Variants in STARD13 observed in about 807,000 individuals in gnomAD.
STARD13 encodes StAR related lipid transfer domain containing 13, also known as stAR-related lipid transfer protein 13.
Under a neutral mutation model 106.4 loss-of-function variants are expected in STARD13, and 62 were observed. That is an observed-to-expected ratio of 0.58 (90% CI 0.48 to 0.72). The LOEUF (loss-of-function observed/expected upper bound fraction) is 0.72. Among genes scored for constraint, STARD13 ranks in the 30% least tolerant of loss-of-function variants. The pLI, the probability that STARD13 is intolerant of heterozygous loss-of-function variation, is 0.00. For synonymous variants in STARD13, 565 were observed against 553.0 expected, an observed-to-expected ratio of 1.02 and a Z score of -0.31; for missense variants, 1,387 against 1,424.0, an observed-to-expected ratio of 0.97 and a Z score of 0.42.
chr13:33,311,324 TA>T (rs1893130344), intron 1 of STARD13, among the ~76,000 whole-genome samples: 1 of 151,846 alleles, frequency 6.6e-6, no homozygotes, highest in East Asian at 1.9e-4. Flanking sequence ...AATAAAAAGA[TA>T]AAAAGAGTGC....
intron 1 of STARD13, among the ~76,000 whole-genome samples, chr13:33,203,221 G>A (rs1466862218): frequency 1.5e-5 from 2 of 133,106 alleles, no homozygotes; most frequent in Non-Finnish European, 3.3e-5. Context: ...AGGGTGCGTG[G>A]TGATTCTCTG....
At chr13:33,399,404 A>C in the STARD13 span, among the ~76,000 whole-genome samples, 6 of 152,098 alleles carry the variant, frequency 3.9e-5, no homozygotes, top group African/African-American at 1.4e-4. Flanking sequence ...TTTAATCTCT[A>C]AAGCATTAGG....
chr13:33,255,137 A>G (rs1890294729), intron 1 of STARD13, among the ~76,000 whole-genome samples: 1 of 150,550 alleles, frequency 6.6e-6, no homozygotes, highest in Non-Finnish European at 1.5e-5. Context: ...TCAGAGACCG[A>G]GCAGGTGAGC....
chr13:33,233,960 C>T lies in STARD13; in HGVS notation c.169+51510G>A, dbSNP rs146098481. Among the ~76,000 whole-genome samples the T allele has an allele frequency of 1.1e-4, 16 of 152,286 alleles. No individual in the cohort carries two copies. The East Asian group carries it at 3.1e-3, about 29-fold the overall frequency. ...CATGGCAGACCGAATAGGTGGGGTGCCCCTTCTATGAGTCTGTTGAAGGGG... is the reference window on the plus strand; with the variant it reads ...CATGGCAGACCGAATAGGTGGGGTGTCCCTTCTATGAGTCTGTTGAAGGGG... On this transcript the variant is annotated intron_variant, in intron 1 of 13. Transcript: ENST00000336934.
the STARD13 span, among the ~76,000 whole-genome samples, chr13:33,439,910 TAA>T: frequency 6.6e-5 from 10 of 152,286 alleles, no homozygotes; most frequent in East Asian, 1.9e-3. Context: ...TCAGGAATCA[TAA>T]AAGTCATCAA....
At chr13:33,150,528 A>G (rs1260717487) in intron 3 of STARD13, among the ~76,000 whole-genome samples, 2 of 152,228 alleles carry the variant, frequency 1.3e-5, no homozygotes, top group Non-Finnish European at 2.9e-5. Flanking sequence ...CTACTTAAGA[A>G]AAATTTTAGG....
chr13:33,253,289 G>A (rs1160511634), intron 1 of STARD13, among the ~76,000 whole-genome samples: 1 of 152,176 alleles, frequency 6.6e-6, no homozygotes, highest in Admixed American at 6.5e-5. Flanking sequence ...GTGATGTGAT[G>A]TTCACTATTC....
At chr13:33,420,572 A>G in the STARD13 span, among the ~76,000 whole-genome samples, 1 of 152,360 alleles carries the variant, frequency 6.6e-6, no homozygotes, top group Non-Finnish European at 1.5e-5. Context: ...AAAGATATTC[A>G]GGACTTGAAC....
At chr13:33,394,105 A>T in the STARD13 span, among the ~76,000 whole-genome samples, 17 of 152,330 alleles carry the variant, frequency 1.1e-4, no homozygotes, top group African/African-American at 3.8e-4. Context: ...ATACAATATG[A>T]ACATCCTGAA....
the STARD13 span, among the ~76,000 whole-genome samples, chr13:33,391,375 C>T: frequency 3.9e-5 from 6 of 152,114 alleles, no homozygotes; most frequent in South Asian, 2.1e-4. Context: ...GTTTTAAAAT[C>T]GGATTCAAGG....
the STARD13 span, among the ~76,000 whole-genome samples, chr13:33,572,800 A>G: frequency 3.0e-3 from 460 of 152,330 alleles, 1 homozygote; most frequent in Non-Finnish European, 5.0e-3. Context: ...TAAGTGATGT[A>G]TAGGCATTAT....
the STARD13 span, among the ~76,000 whole-genome samples, chr13:33,596,136 T>C: frequency 7.9e-5 from 12 of 152,184 alleles, no homozygotes; most frequent in Admixed American, 7.2e-4. Flanking sequence ...TCATTAAGGA[T>C]TGCTTGTGTA....
At chr13:33,361,464 G>A in the STARD13 span, among the ~76,000 whole-genome samples, 1 of 152,306 alleles carries the variant, frequency 6.6e-6, no homozygotes, top group East Asian at 1.9e-4. Flanking sequence ...ATTTTAGACT[G>A]TAGCTCGGGG....
chr13:33,446,552 A>G, the STARD13 span, among the ~76,000 whole-genome samples: 1 of 152,194 alleles, frequency 6.6e-6, no homozygotes, highest in African/African-American at 2.4e-5. Flanking sequence ...ATTGCTATAT[A>G]AAAATCTCAA....
intron 1 of STARD13, among the ~76,000 whole-genome samples, chr13:33,323,368 T>C (rs1566138898): frequency 6.6e-6 from 1 of 152,202 alleles, no homozygotes; most frequent in Non-Finnish European, 1.5e-5. Context: ...AAGCATTCTC[T>C]AACCTACAGA....
the STARD13 span, among the ~76,000 whole-genome samples, chr13:33,468,683 A>G: frequency 6.6e-6 from 1 of 151,998 alleles, no homozygotes; most frequent in African/African-American, 2.4e-5. Flanking sequence ...TCTTGCCCAG[A>G]TCAAGTTTCC....
At chr13:33,386,023 C>T in the STARD13 span, among the ~76,000 whole-genome samples, 1 of 151,992 alleles carries the variant, frequency 6.6e-6, no homozygotes, top group Non-Finnish European at 1.5e-5. Flanking sequence ...ATTATTTATT[C>T]ATCAGGTATG....
At chr13:33,241,164 A>C (rs1439408491) in intron 1 of STARD13, among the ~76,000 whole-genome samples, 2 of 152,190 alleles carry the variant, frequency 1.3e-5, no homozygotes, top group Non-Finnish European at 2.9e-5. Context: ...ATTGTTTTGT[A>C]AACTATTTCA....
the STARD13 span, among the ~76,000 whole-genome samples, chr13:33,644,132 C>T: frequency 6.6e-6 from 1 of 152,194 alleles, no homozygotes; most frequent in Non-Finnish European, 1.5e-5. Context: ...AAGAATGGAC[C>T]ACCCATGTGC....
Sources: allele counts gnomAD v4.1 joint callset (sites outside exome capture counted in the v4.1 genomes callset), GRCh38; gene constraint gnomAD v4.1.1; transcripts MANE v1.5; gene names NCBI Gene and HGNC (gene_info 2026-07-23, HGNC 2026-07-21).